Variants in RIT2 observed in about 807,000 individuals in gnomAD.
RIT2 encodes GTP-binding protein Rit2.
RIT2 carries 24 observed loss-of-function variants against 23.7 expected under a neutral mutation model. That is an observed-to-expected ratio of 1.01 (90% confidence interval 0.73 to 1.43). The LOEUF (loss-of-function observed/expected upper bound fraction) is 1.43, where lower values mean the gene tolerates loss of function less well. Among genes scored for constraint, RIT2 ranks in the 40% most tolerant of loss-of-function variants. The pLI is 0.00. For synonymous variants in RIT2, 107 were observed against 91.1 expected (o/e 1.17, Z -0.99); for missense variants, 236 against 266.9 (o/e 0.88, Z 0.81).
chr18:42,755,811 G>A (rs1177807026), intron 4 of RIT2, among the ~76,000 whole-genome samples: 7 of 152,128 alleles, frequency 4.6e-5, no homozygotes, highest in African/African-American at 7.2e-5. Context: ...CAAATTAAAA[G>A]GAAATCTCAG....
intron 1 of RIT2, among the ~76,000 whole-genome samples, chr18:43,034,791 G>A (rs1243635253): frequency 6.6e-6 from 1 of 152,080 alleles, no homozygotes; most frequent in East Asian, 1.9e-4. Context: ...CCTGATATCT[G>A]ATCCTCTGTC....
chr18:43,003,274 A>G (rs1191246047), intron 2 of RIT2, among the ~76,000 whole-genome samples: 1 of 152,012 alleles, frequency 6.6e-6, no homozygotes, highest in Non-Finnish European at 1.5e-5. Flanking sequence ...TGCATTCAGG[A>G]AACAAAGAAA....
chr18:42,804,368 A>T (rs1905619010), intron 4 of RIT2, among the ~76,000 whole-genome samples: 1 of 152,030 alleles, frequency 6.6e-6, no homozygotes, highest in Admixed American at 6.6e-5. Flanking sequence ...AGCCTGACCA[A>T]CATGGTGAAA....
At chr18:42,859,350 T>C (rs908134819) in intron 4 of RIT2, among the ~76,000 whole-genome samples, 22 of 152,354 alleles carry the variant, frequency 1.4e-4, no homozygotes, top group Admixed American at 1.4e-3. Flanking sequence ...AAAAAAATCA[T>C]CCTTGGCGAA....
chr18:42,765,800 G>A (rs1343758387), intron 4 of RIT2, among the ~76,000 whole-genome samples: 1 of 152,188 alleles, frequency 6.6e-6, no homozygotes, highest in Non-Finnish European at 1.5e-5. Flanking sequence ...GTATCTCCCA[G>A]AATTCTGACG....
At chr18:42,760,895 G>C (rs1035202977) in intron 4 of RIT2, among the ~76,000 whole-genome samples, 1 of 152,086 alleles carries the variant, frequency 6.6e-6, no homozygotes, top group African/African-American at 2.4e-5. Flanking sequence ...ACCATGAGAG[G>C]GTAAGGTTGG....
intron 4 of RIT2, among the ~76,000 whole-genome samples, chr18:42,895,648 A>G (rs1344903702): frequency 1.3e-5 from 2 of 152,176 alleles, no homozygotes; most frequent in African/African-American, 4.8e-5. Flanking sequence ...AAACGGTTTT[A>G]AGTGAAATTC....
At position 42,841,483 on chromosome 18, in the gene RIT2, A is replaced by T. The variant is rs534066016; in HGVS notation, c.426+82089T>A. Among the ~76,000 whole-genome samples the T allele has an allele frequency of 2.0e-5, 3 of 152,234 alleles. No homozygotes were observed. The East Asian group carries it at 5.8e-4, about 29-fold the overall frequency. ...TAGAAAACAGTATTTCCTCCTCTTG[A>T]TGGTTTGCTTCTTTCATCTAACAAT... On this transcript the variant is annotated intron_variant, in intron 4 of 4. Coordinates refer to ENST00000326695, the MANE Select transcript of RIT2 (RefSeq NM_002930.4).
intron 4 of RIT2, among the ~76,000 whole-genome samples, chr18:42,774,685 ATTTG>A (rs1913627613): frequency 6.6e-6 from 1 of 151,910 alleles, no homozygotes; most frequent in Non-Finnish European, 1.5e-5. Flanking sequence ...GCCTTACTCA[ATTTG>A]TTTATTTATT....
At chr18:43,097,508 A>G (rs1363308394) in intron 1 of RIT2, among the ~76,000 whole-genome samples, 5 of 151,956 alleles carry the variant, frequency 3.3e-5, no homozygotes, top group African/African-American at 7.2e-5. Flanking sequence ...AAATAAGCAG[A>G]GAAGATTCCA....
intron 4 of RIT2, among the ~76,000 whole-genome samples, chr18:42,914,771 G>GTA (rs1321274526): frequency 1.3e-5 from 2 of 151,932 alleles, no homozygotes; most frequent in African/African-American, 4.8e-5. Flanking sequence ...ATGAGTACAT[G>GTA]TATAACCAGT....
chr18:43,038,136 C>A lies in RIT2; in HGVS notation c.104-4269G>T, dbSNP rs138840875. 3.0e-3 allele frequency among the ~76,000 whole-genome samples: 440 copies of A among 145,022 alleles called. 3 individuals are homozygous for A. Among genetic ancestry groups the A allele is most frequent in the African/African-American group, 0.01 (411 of 39,268 alleles). On this transcript the variant is annotated intron_variant, in intron 1 of 4. Coordinates refer to ENST00000326695, the MANE Select transcript of RIT2 (RefSeq NM_002930.4). ...AGGAGAATAGTGTGAACCCGAGAGG[C>A]AGAGCTTGCAGTGAGAAGAGATTGC...
At chr18:42,819,933 A>C (rs1906101343) in intron 4 of RIT2, among the ~76,000 whole-genome samples, 1 of 152,146 alleles carries the variant, frequency 6.6e-6, no homozygotes, top group African/African-American at 2.4e-5. Context: ...AATCCCTTAT[A>C]TAAAAGGCCA....
chr18:42,979,719 G>GTTC (rs1394140956), intron 2 of RIT2, among the ~76,000 whole-genome samples: 10 of 152,168 alleles, frequency 6.6e-5, no homozygotes, highest in Admixed American at 4.6e-4. Context: ...TCAATATATT[G>GTTC]ATCAATAAAG....
chr18:42,896,290 C>A (rs1598704803), intron 4 of RIT2, among the ~76,000 whole-genome samples: 2 of 152,134 alleles, frequency 1.3e-5, no homozygotes, highest in African/African-American at 4.8e-5. Flanking sequence ...AGTTTGTTTT[C>A]CTCTCTCTCA....
At chr18:42,981,896 A>G (rs1253140997) in intron 2 of RIT2, among the ~76,000 whole-genome samples, 1 of 152,190 alleles carries the variant, frequency 6.6e-6, no homozygotes, top group Admixed American at 6.6e-5. Flanking sequence ...TCAAAAAGTG[A>G]AATGTATAAA....
intron 4 of RIT2, among the ~76,000 whole-genome samples, chr18:42,751,469 A>T (rs1913044442): frequency 6.6e-6 from 1 of 151,996 alleles, no homozygotes; most frequent in Non-Finnish European, 1.5e-5. Flanking sequence ...TTCAGTTAAA[A>T]GTCCAATGTG....
At chr18:42,769,777 C>A (rs1397059300) in intron 4 of RIT2, among the ~76,000 whole-genome samples, 1 of 150,806 alleles carries the variant, frequency 6.6e-6, no homozygotes, top group African/African-American at 2.4e-5. Flanking sequence ...TTCTGAATTG[C>A]AAGATATACC....
intron 2 of RIT2, among the ~76,000 whole-genome samples, chr18:43,024,839 T>A (rs1224209479): frequency 6.6e-6 from 1 of 151,678 alleles, no homozygotes; most frequent in East Asian, 1.9e-4. Context: ...GAATAAATGG[T>A]CAGTATCGCT....
Sources: gnomAD v4.1 joint callset for allele counts (sites outside exome capture counted in the v4.1 genomes callset) on GRCh38, gnomAD v4.1.1 for gene constraint, MANE v1.5 for transcripts, NCBI Gene and HGNC (gene_info 2026-07-23, HGNC 2026-07-21) for gene names.